SAMD12: variants seen among roughly 807,000 people sequenced by gnomAD.
SAMD12 encodes sterile alpha motif domain-containing protein 12.
Under a neutral mutation model 15.0 loss-of-function variants are expected in SAMD12, and 9 were observed. That is an observed-to-expected ratio of 0.60 (90% CI 0.36 to 1.05). The LOEUF (loss-of-function observed/expected upper bound fraction) is 1.05, where lower values mean the gene tolerates loss of function less well. Among genes scored for constraint, SAMD12 ranks in the 50% least tolerant of loss-of-function variants. The pLI, the probability that SAMD12 is intolerant of heterozygous loss-of-function variation, is 0.01. For missense variants in SAMD12, 230 were observed against 234.2 expected (o/e 0.98, Z 0.12); for synonymous variants, 86 against 90.1 (o/e 0.96, Z 0.25).
At chr8:118,602,688 T>C (rs1827889756) in intron 1 of SAMD12, among the ~76,000 whole-genome samples, 1 of 152,290 alleles carries the variant, frequency 6.6e-6, no homozygotes, top group African/African-American at 2.4e-5. Flanking sequence ...AAGAAAACCC[T>C]CTCTCTGCCC....
intron 4 of SAMD12, among the ~76,000 whole-genome samples, chr8:118,330,848 T>C (rs920226664): frequency 1.3e-5 from 2 of 152,054 alleles, no homozygotes; most frequent in African/African-American, 4.8e-5. Flanking sequence ...GTTGAAAAAT[T>C]ACCTATCGGG....
At chr8:118,520,008 T>C (rs1315748271) in intron 2 of SAMD12, among the ~76,000 whole-genome samples, 3 of 152,176 alleles carry the variant, frequency 2.0e-5, no homozygotes, top group African/African-American at 4.8e-5. Flanking sequence ...TTGCAGATAA[T>C]TGTCAGCAAC....
chr8:118,325,495 G>A (rs535824415), intron 4 of SAMD12, among the ~76,000 whole-genome samples: 1 of 152,136 alleles, frequency 6.6e-6, no homozygotes, highest in Non-Finnish European at 1.5e-5. Context: ...GTGATATTTT[G>A]ACATATGTGT....
At chr8:118,298,929 A>T (rs1814869712) in intron 4 of SAMD12, among the ~76,000 whole-genome samples, 1 of 152,154 alleles carries the variant, frequency 6.6e-6, no homozygotes, top group Admixed American at 6.5e-5. Context: ...TATCTTTTAC[A>T]TGTTTGCTTA....
intron 2 of SAMD12, among the ~76,000 whole-genome samples, chr8:118,487,830 CAGCATGG>C (rs1311461763): frequency 2.0e-5 from 3 of 152,058 alleles, no homozygotes; most frequent in Non-Finnish European, 4.4e-5. Flanking sequence ...CAATATGGTC[CAGCATGG>C]CTGGACAAAT....
At chr8:118,505,592 C>G (rs1413123125) in intron 2 of SAMD12, among the ~76,000 whole-genome samples, 1 of 151,802 alleles carries the variant, frequency 6.6e-6, no homozygotes, top group Non-Finnish European at 1.5e-5. Context: ...ATGTAAAAGC[C>G]ACATGCTAAG....
At chr8:118,547,083 T>C (rs1361119573) in intron 2 of SAMD12, among the ~76,000 whole-genome samples, 1 of 152,110 alleles carries the variant, frequency 6.6e-6, no homozygotes, top group African/African-American at 2.4e-5. Context: ...CCAAGTTAGG[T>C]AACAGATAAA....
chr8:118,410,799 T>C (rs371281311), intron 3 of SAMD12, among the ~76,000 whole-genome samples: 8 of 152,222 alleles, frequency 5.3e-5, no homozygotes, highest in African/African-American at 1.9e-4. Context: ...CTCTGCAATA[T>C]GAAAATATGG....
At chr8:118,499,246 G>C (rs1373703673) in intron 2 of SAMD12, among the ~76,000 whole-genome samples, 2 of 152,192 alleles carry the variant, frequency 1.3e-5, no homozygotes, top group Non-Finnish European at 2.9e-5. Flanking sequence ...TCCAGCCTGA[G>C]TGTGACACAC....
At chr8:118,198,705 G>A (rs923465619) in intron 4 of SAMD12, among the ~76,000 whole-genome samples, 1 of 152,074 alleles carries the variant, frequency 6.6e-6, no homozygotes, top group Admixed American at 6.6e-5. Context: ...AAAAATAAAA[G>A]GTACTATGTA....
chr8:118,181,876 A>G, the SAMD12 span, among the ~76,000 whole-genome samples: 1 of 152,212 alleles, frequency 6.6e-6, no homozygotes, highest in East Asian at 1.9e-4. Context: ...TCTAAACGTA[A>G]TTGCTATTCT....
intron 2 of SAMD12, among the ~76,000 whole-genome samples, chr8:118,553,237 C>G (rs1438723067): frequency 6.6e-6 from 1 of 152,012 alleles, no homozygotes. Flanking sequence ...AATCCTAAGC[C>G]AAAAGAACAA....
intron 4 of SAMD12, among the ~76,000 whole-genome samples, chr8:118,316,504 C>T (rs1563757134): frequency 6.6e-6 from 1 of 151,956 alleles, no homozygotes; most frequent in African/African-American, 2.4e-5. Flanking sequence ...GCACTGCACT[C>T]CAGTCTGGTG....
chr8:118,263,595 T>TA lies in SAMD12; in HGVS notation c.434-65864dup, dbSNP rs535511131. On this transcript the variant is annotated intron_variant, in intron 4 of 4. Transcript: ENST00000409003. Reference sequence around the variant, plus strand: ...CTAAATGTCACTGAAAGATGGGGAGTAAAAAAAATAAAAAAAGACATTGCT... The same window carrying TA: ...CTAAATGTCACTGAAAGATGGGGAGTAAAAAAAAATAAAAAAAGACATTGCT... Among the ~76,000 whole-genome samples, 58 of 151,024 alleles carry TA rather than the reference T, an allele frequency of 3.8e-4. No individual in the cohort carries two copies. In the South Asian group the frequency reaches 0.011, roughly 29 times the overall value.
intron 2 of SAMD12, among the ~76,000 whole-genome samples, chr8:118,575,744 A>G (rs1170000065): frequency 6.6e-6 from 1 of 152,226 alleles, no homozygotes; most frequent in Admixed American, 6.5e-5. Context: ...CTTATTTGAC[A>G]GGCATAAAAA....
At chr8:118,189,213 G>C (rs190195438), downstream of SAMD12, among the ~76,000 whole-genome samples, 1 of 152,020 alleles carries the variant, frequency 6.6e-6, no homozygotes, top group Non-Finnish European at 1.5e-5. Flanking sequence ...TGGTGCTGGG[G>C]GAATTCTGTG....
rs199926147 is a variant in SAMD12, at chr8:118,457,207, ACTCT to A, written c.193-17250_193-17247del. Among the ~76,000 whole-genome samples, 805 of 143,172 alleles carry A rather than the reference ACTCT, an allele frequency of 5.6e-3. 3 individuals carry two copies. The highest frequency in any genetic ancestry group is 0.022 in the Middle Eastern group (6 of 268). The allele number at this position is 143,172 out of a possible 152,430, so 93.9% of individuals were successfully genotyped here. A position where few individuals can be genotyped will look rare whatever the true frequency, so the allele number is the denominator to read the frequency against. On this transcript the variant is annotated intron_variant, in intron 2 of 3. Transcript: ENST00000314727. ...GCTGCCACTTCCACTACTGCTACTA[ACTCT>A]CTCTCTCTCTCTTTTTTTTTTTTTT...
chr8:118,424,879 A>T (rs1822172878), intron 3 of SAMD12, among the ~76,000 whole-genome samples: 1 of 152,020 alleles, frequency 6.6e-6, no homozygotes, highest in African/African-American at 2.4e-5. Flanking sequence ...TCCCAATAAC[A>T]TGCAGGCTCT....
At chr8:118,459,198 G>A (rs60267888) in intron 2 of SAMD12, among the ~76,000 whole-genome samples, 3,625 of 151,888 alleles carry the variant, frequency 0.024, 129 homozygotes, top group African/African-American at 0.083. Flanking sequence ...CCTGAGTAGC[G>A]GGGATTACAG....
Sources: allele counts gnomAD v4.1 joint callset (sites outside exome capture counted in the v4.1 genomes callset), GRCh38; gene constraint gnomAD v4.1.1; transcripts MANE v1.5; gene names NCBI Gene and HGNC (gene_info 2026-07-23, HGNC 2026-07-21).